GPM6A: variants seen among roughly 807,000 people sequenced by gnomAD.
GPM6A encodes glycoprotein M6A.
GPM6A carries 7 observed loss-of-function variants against 32.1 expected under a neutral mutation model. That is an observed-to-expected ratio of 0.22 (90% CI 0.12 to 0.41). The LOEUF (loss-of-function observed/expected upper bound fraction) is 0.41, where lower values mean the gene tolerates loss of function less well. Among genes scored for constraint, GPM6A ranks in the 10% least tolerant of loss-of-function variants. The probability of loss-of-function intolerance (pLI) is 1.00; values close to 1 mark genes in which losing one functional copy is unlikely to be tolerated. For synonymous variants in GPM6A, 130 were observed against 123.4 expected (o/e 1.05, Z -0.35); for missense variants, 235 against 347.2 (o/e 0.68, Z 2.57).
chr4:175,965,230 A>G (rs1182429047), intron 1 of GPM6A, among the ~76,000 whole-genome samples: 2 of 152,212 alleles, frequency 1.3e-5, no homozygotes, highest in Non-Finnish European at 2.9e-5. Flanking sequence ...CTCAGACCAC[A>G]ATGGATAGAA....
intron 1 of GPM6A, among the ~76,000 whole-genome samples, chr4:175,799,671 C>CTTTTCTTTTTTT (rs1553990617): frequency 9.0e-5 from 11 of 122,096 alleles, no homozygotes; most frequent in African/African-American, 3.2e-4. Flanking sequence ...CAAGTGTTTT[C>CTTTTCTTTTTTT]TTTTTTTTTT....
chr4:175,833,051 C>G (rs555674936), intron 1 of GPM6A, among the ~76,000 whole-genome samples: 1 of 152,110 alleles, frequency 6.6e-6, no homozygotes, highest in Non-Finnish European at 1.5e-5. Context: ...GCATTTCCAT[C>G]GAGGGAAGGA....
At chr4:175,860,612 A>C (rs1369830774) in intron 1 of GPM6A, among the ~76,000 whole-genome samples, 1 of 152,204 alleles carries the variant, frequency 6.6e-6, no homozygotes, top group African/African-American at 2.4e-5. Flanking sequence ...AAATATCTCT[A>C]GAAGCCAAAT....
intron 1 of GPM6A, among the ~76,000 whole-genome samples, chr4:175,909,013 GC>G (rs1738222112): frequency 9.8e-6 from 1 of 101,934 alleles, no homozygotes; most frequent in Non-Finnish European, 1.7e-5. Context: ...ACTGCATTTT[GC>G]CACTAGAGGC....
chr4:175,652,484 A>T (rs1306187398), intron 3 of GPM6A, among the ~76,000 whole-genome samples: 1 of 152,050 alleles, frequency 6.6e-6, no homozygotes, highest in African/African-American at 2.4e-5. Context: ...TTAGTATATA[A>T]TATTAGTGTG....
At chr4:175,861,923 A>C (rs1471149557) in intron 1 of GPM6A, among the ~76,000 whole-genome samples, 1 of 152,108 alleles carries the variant, frequency 6.6e-6, no homozygotes, top group Non-Finnish European at 1.5e-5. Flanking sequence ...ATGGAGGAAT[A>C]AATAAGATGA....
chr4:175,644,377 G>T (rs1316850572), intron 4 of GPM6A, among the ~76,000 whole-genome samples: 2 of 151,650 alleles, frequency 1.3e-5, no homozygotes, highest in Admixed American at 1.3e-4. Flanking sequence ...GGCCCATATG[G>T]ATGTACCACT....
intron 1 of GPM6A, among the ~76,000 whole-genome samples, chr4:175,722,841 C>T (rs527813285): frequency 1.7e-4 from 26 of 151,604 alleles, no homozygotes; most frequent in Admixed American, 4.6e-4. Flanking sequence ...CCCAGGAGTT[C>T]GAGGCCTGTC....
At chr4:175,920,780 C>T (rs768190021) in intron 1 of GPM6A, among the ~76,000 whole-genome samples, 7 of 150,446 alleles carry the variant, frequency 4.7e-5, no homozygotes, top group Non-Finnish European at 2.9e-5. Flanking sequence ...ACCCGGGAGG[C>T]GGTGGTGGCT....
At chr4:175,754,149 C>A (rs1732441358) in intron 1 of GPM6A, among the ~76,000 whole-genome samples, 1 of 152,134 alleles carries the variant, frequency 6.6e-6, no homozygotes, top group Non-Finnish European at 1.5e-5. Flanking sequence ...CCTTCCCATG[C>A]CCTGCTAATT....
chr4:175,966,424 AAT>A, intron 1 of GPM6A, among the ~76,000 whole-genome samples: 1 of 148,624 alleles, frequency 6.7e-6, no homozygotes, highest in African/African-American at 2.4e-5. Context: ...ATAATAATAT[AAT>A]ATATATATAT....
At chr4:175,650,286 ATTTATT>A (rs1346385933) in intron 4 of GPM6A, among the ~76,000 whole-genome samples, 2 of 65,720 alleles carry the variant, frequency 3.0e-5, no homozygotes, top group African/African-American at 1.3e-4. Context: ...TTATTTATTT[ATTTATT>A]TATTTATTTA....
At chr4:175,972,344 C>T (rs563769176) in intron 1 of GPM6A, among the ~76,000 whole-genome samples, 11 of 152,208 alleles carry the variant, frequency 7.2e-5, no homozygotes, top group African/African-American at 1.7e-4. Flanking sequence ...TGCAAAATCA[C>T]GGATGATTGT....
At chr4:175,891,125 T>C (rs1337841786) in intron 1 of GPM6A, among the ~76,000 whole-genome samples, 1 of 152,152 alleles carries the variant, frequency 6.6e-6, no homozygotes, top group Non-Finnish European at 1.5e-5. Flanking sequence ...TAATTTTACA[T>C]CAACATCAGA....
chr4:175,693,212 G>A (rs1263810541), intron 2 of GPM6A, among the ~76,000 whole-genome samples: 1 of 150,822 alleles, frequency 6.6e-6, no homozygotes, highest in Non-Finnish European at 1.5e-5. Context: ...TTTTCTGAAT[G>A]AGTACATTCA....
intron 1 of GPM6A, among the ~76,000 whole-genome samples, chr4:175,723,140 A>T (rs141431434): frequency 6.6e-6 from 1 of 152,330 alleles, no homozygotes; most frequent in East Asian, 1.9e-4. Context: ...TAGTTACAAA[A>T]GCTATATATT....
At chr4:175,935,190 G>T (rs1739179087) in intron 1 of GPM6A, among the ~76,000 whole-genome samples, 1 of 152,174 alleles carries the variant, frequency 6.6e-6, no homozygotes, top group African/African-American at 2.4e-5. Flanking sequence ...TTTGGACAGT[G>T]TGACTCATCA....
At chr4:175,730,861 A>T (rs1171352043) in intron 1 of GPM6A, among the ~76,000 whole-genome samples, 5 of 152,054 alleles carry the variant, frequency 3.3e-5, no homozygotes, top group Non-Finnish European at 5.9e-5. Flanking sequence ...TAAACTGCCC[A>T]CTAATGACCC....
chr4:175,878,349 A>T (rs1482722400), intron 1 of GPM6A, among the ~76,000 whole-genome samples: 1 of 152,190 alleles, frequency 6.6e-6, no homozygotes, highest in Non-Finnish European at 1.5e-5. Flanking sequence ...TTGCCCTAGC[A>T]GAGGTTCTCT....
Sources: allele counts gnomAD v4.1 joint callset (sites outside exome capture counted in the v4.1 genomes callset), GRCh38; gene constraint gnomAD v4.1.1; transcripts MANE v1.5; gene names NCBI Gene and HGNC (gene_info 2026-07-23, HGNC 2026-07-21).